The following SH3BGR variants were observed in gnomAD, a reference collection of about 807,000 sequenced individuals.
SH3BGR encodes SH3 domain binding glutamate rich protein.
A neutral mutation model predicts 24.5 loss-of-function variants in SH3BGR; 29 were observed. That is an observed-to-expected ratio of 1.18 (90% CI 0.88 to 1.61). The LOEUF (loss-of-function observed/expected upper bound fraction) is 1.61, where lower values mean the gene tolerates loss of function less well. Ranked by LOEUF, SH3BGR falls within the 40% of genes most tolerant of loss-of-function variation. SH3BGR has a pLI of 0.00. For synonymous variants in SH3BGR, 55 were observed against 65.7 expected (o/e 0.84, Z 0.79); for missense variants, 162 against 205.8 (o/e 0.79, Z 1.30).
chr21:39,479,050 G>T (rs1172043608), intron 3 of SH3BGR, among the ~76,000 whole-genome samples: 1 of 152,002 alleles, frequency 6.6e-6, no homozygotes, highest in Non-Finnish European at 1.5e-5. Context: ...CAGATGTTTG[G>T]TGATCTTTGA....
chr21:39,457,314 CTTATTATATATAAGA>C (rs2077674366), intron 1 of SH3BGR, among the ~76,000 whole-genome samples: 1 of 139,888 alleles, frequency 7.1e-6, no homozygotes, highest in Non-Finnish European at 1.5e-5. Context: ...ATATATAAAT[CTTATTATATATAAGA>C]TTATTATATA....
chr21:39,498,913 G>T (rs1201561921), intron 3 of SH3BGR, among the ~76,000 whole-genome samples: 2 of 152,222 alleles, frequency 1.3e-5, no homozygotes, highest in Non-Finnish European at 2.9e-5. Context: ...AAGGAAAGAG[G>T]TTTAATTGAC....
intron 3 of SH3BGR, among the ~76,000 whole-genome samples, chr21:39,494,937 T>C (rs2123478989): frequency 6.6e-6 from 1 of 152,282 alleles, no homozygotes; most frequent in East Asian, 1.9e-4. Flanking sequence ...TCTATTGATT[T>C]ATTTTAAGTT....
chr21:39,485,689 T>G (rs1296368601), intron 3 of SH3BGR, among the ~76,000 whole-genome samples: 1 of 146,862 alleles, frequency 6.8e-6, no homozygotes, highest in East Asian at 2.0e-4. Context: ...TTGTTTTCTT[T>G]TTTTTTTTTT....
chr21:39,447,662 G>C (rs910678877), upstream of SH3BGR, among the ~76,000 whole-genome samples: 3 of 152,006 alleles, frequency 2.0e-5, no homozygotes, highest in African/African-American at 7.2e-5. Flanking sequence ...CAAGTGATCT[G>C]CCCGCCTCGG....
Position 39,496,486 on chromosome 21 carries a change from G to A in SH3BGR, c.313-3337G>A, listed in dbSNP as rs190604922. Among the ~76,000 whole-genome samples, 1,020 of 135,202 alleles carry A rather than the reference G, an allele frequency of 7.5e-3. 14 individuals are homozygous for A. Among genetic ancestry groups the A allele is most frequent in the African/African-American group, 0.028 (978 of 34,764 alleles). The allele number at this position is 135,202 out of a possible 152,430, so 88.7% of individuals were successfully genotyped here. On this transcript the variant is annotated intron_variant, in intron 3 of 6. Transcript: ENST00000333634. Reference sequence around the variant, plus strand: ...CCGCAGTCCGCAGTCCGGCCTGGGCGACAGAGCGAGACTCCGTCTCAAAAA... The same window carrying A: ...CCGCAGTCCGCAGTCCGGCCTGGGCAACAGAGCGAGACTCCGTCTCAAAAA...
chr21:39,451,541 T>A (rs1047574422), upstream of SH3BGR, among the ~76,000 whole-genome samples: 3 of 152,184 alleles, frequency 2.0e-5, no homozygotes, highest in Non-Finnish European at 4.4e-5. Context: ...AAAACAAAGT[T>A]GCTCTTTACT....
At chr21:39,471,946 C>G (rs1425940479) in intron 2 of SH3BGR, among the ~76,000 whole-genome samples, 1 of 152,084 alleles carries the variant, frequency 6.6e-6, no homozygotes, top group East Asian at 1.9e-4. Context: ...TCGAGTTTCT[C>G]TTTTATTTCA....
chr21:39,485,349 A>G (rs2078192075), intron 3 of SH3BGR, among the ~76,000 whole-genome samples: 1 of 152,242 alleles, frequency 6.6e-6, no homozygotes, highest in African/African-American at 2.4e-5. Flanking sequence ...TGAACTCCAG[A>G]GGAATCGGGC....
chr21:39,481,248 T>G (rs1214012730), intron 3 of SH3BGR, among the ~76,000 whole-genome samples: 1 of 152,178 alleles, frequency 6.6e-6, no homozygotes. Context: ...GAGGATAGTT[T>G]GAGCCCAGGC....
At chr21:39,509,471 GTTTTTT>G (rs560071613) in intron 5 of SH3BGR, among the ~76,000 whole-genome samples, 1 of 103,962 alleles carries the variant, frequency 9.6e-6, no homozygotes. Flanking sequence ...CACTTTTATT[GTTTTTT>G]TTTTTTTTTT....
At chr21:39,477,918 G>T (rs192091807) in intron 3 of SH3BGR, among the ~76,000 whole-genome samples, 6 of 152,188 alleles carry the variant, frequency 3.9e-5, no homozygotes, top group African/African-American at 1.2e-4. Flanking sequence ...ATGTGATGTT[G>T]TGAAATACGT....
At chr21:39,495,905 CAT>C (rs2078386400) in intron 3 of SH3BGR, among the ~76,000 whole-genome samples, 1 of 152,054 alleles carries the variant, frequency 6.6e-6, no homozygotes, top group Admixed American at 6.6e-5. Context: ...GGAGAAAAAC[CAT>C]ATGATTGCAC....
intron 3 of SH3BGR, among the ~76,000 whole-genome samples, chr21:39,478,630 C>A (rs1000883856): frequency 6.6e-6 from 1 of 152,112 alleles, no homozygotes; most frequent in South Asian, 2.1e-4. Flanking sequence ...TTTTCACTTT[C>A]TTTTCTTTTT....
At chr21:39,491,040 G>A (rs1441886286) in intron 3 of SH3BGR, among the ~76,000 whole-genome samples, 1 of 151,796 alleles carries the variant, frequency 6.6e-6, no homozygotes, top group African/African-American at 2.4e-5. Context: ...CTGGTCTTGA[G>A]CATTTTAATT....
At chr21:39,454,275 C>A (rs374417019) in intron 1 of SH3BGR, among the ~76,000 whole-genome samples, 11 of 152,162 alleles carry the variant, frequency 7.2e-5, no homozygotes, top group African/African-American at 2.7e-4. Context: ...ATTTCTTCAG[C>A]CTGTACATTT....
At chr21:39,484,511 T>G (rs2078179066) in intron 3 of SH3BGR, among the ~76,000 whole-genome samples, 1 of 152,224 alleles carries the variant, frequency 6.6e-6, no homozygotes, top group Non-Finnish European at 1.5e-5. Context: ...TTATCTTATC[T>G]CATTTTTATT....
chr21:39,467,431 T>C (rs1378956702), intron 2 of SH3BGR, among the ~76,000 whole-genome samples: 1 of 152,212 alleles, frequency 6.6e-6, no homozygotes, highest in Non-Finnish European at 1.5e-5. Flanking sequence ...GAAGTATTTG[T>C]AGTTTACCTT....
chr21:39,477,705 T>C (rs1265117767), intron 3 of SH3BGR, among the ~76,000 whole-genome samples: 2 of 152,208 alleles, frequency 1.3e-5, no homozygotes, highest in Non-Finnish European at 2.9e-5. Context: ...CTTCCAGATA[T>C]GAGCATTTTA....
Sources: allele counts gnomAD v4.1 joint callset (sites outside exome capture counted in the v4.1 genomes callset), GRCh38; gene constraint gnomAD v4.1.1; transcripts MANE v1.5; gene names NCBI Gene and HGNC (gene_info 2026-07-23, HGNC 2026-07-21).